The following DOK5 variants were observed in gnomAD, a reference collection of about 807,000 sequenced individuals.
The protein encoded by DOK5 is docking protein 5, also known as downstream of tyrosine kinase 5.
DOK5 carries 27 observed loss-of-function variants against 43.3 expected under a neutral mutation model. That is an observed-to-expected ratio of 0.62 (90% CI 0.46 to 0.86). The LOEUF (loss-of-function observed/expected upper bound fraction) is 0.86, where lower values mean the gene tolerates loss of function less well. Among genes scored for constraint, DOK5 ranks in the 40% least tolerant of loss-of-function variants. DOK5 has a pLI of 0.00. For synonymous variants in DOK5, 146 were observed against 140.1 expected, an observed-to-expected ratio of 1.04 and a Z score of -0.30; for missense variants, 373 against 392.9, an observed-to-expected ratio of 0.95 and a Z score of 0.43.
Position 54,643,593 on chromosome 20 carries a change from A to T in DOK5, c.856+15A>T, listed in dbSNP as rs1212102260. 1 of 1,609,744 alleles carries T rather than the reference A, an allele frequency of 6.2e-7. No individual in the cohort carries two copies. Among genetic ancestry groups the T allele is most frequent in the Non-Finnish European group, 8.5e-7 (1 of 1,179,018 alleles). ...CCGCTTGCAAGGTAAGCGTGGGGCT[A>T]CCTGTGTCCAGGGTGTGGGCCAGGC... On this transcript the variant is annotated intron_variant, in intron 7 of 7. Transcript: ENST00000262593.
At chr20:54,513,841 G>A (rs943821917) in intron 1 of DOK5, among the ~76,000 whole-genome samples, 2 of 152,184 alleles carry the variant, frequency 1.3e-5, no homozygotes, top group African/African-American at 4.8e-5. Flanking sequence ...TCTAGGTGCT[G>A]AGAATTATTA....
chr20:54,605,136 C>G (rs28583536), intron 5 of DOK5, among the ~76,000 whole-genome samples: 26,599 of 150,838 alleles, frequency 0.18, 4,287 homozygotes, highest in African/African-American at 0.43. Context: ...CAAACACACA[C>G]AGAGAGAGAG....
At chr20:54,631,274 A>G (rs6014092) in intron 6 of DOK5, among the ~76,000 whole-genome samples, 21,238 of 152,132 alleles carry the variant, frequency 0.14, 2,211 homozygotes, top group African/African-American at 0.29. Flanking sequence ...TTAGCCAGGC[A>G]TAGTGGCACA....
At chr20:54,491,213 G>T (rs1038953021) in intron 1 of DOK5, among the ~76,000 whole-genome samples, 1 of 152,078 alleles carries the variant, frequency 6.6e-6, no homozygotes, top group Non-Finnish European at 1.5e-5. Context: ...GCACTGAGCG[G>T]GTCTTTTTCT....
intron 1 of DOK5, among the ~76,000 whole-genome samples, chr20:54,494,081 C>G (rs1600660393): frequency 6.6e-6 from 1 of 152,250 alleles, no homozygotes; most frequent in East Asian, 1.9e-4. Flanking sequence ...TTTAGCCTCA[C>G]TAGCCTGTGA....
intron 1 of DOK5, among the ~76,000 whole-genome samples, chr20:54,493,977 G>C (rs941424688): frequency 1.8e-4 from 27 of 152,134 alleles, no homozygotes; most frequent in African/African-American, 6.3e-4. Flanking sequence ...TATAATTGTA[G>C]AGAATTCTAT....
intron 4 of DOK5, among the ~76,000 whole-genome samples, chr20:54,590,602 AT>A (rs1177451399): frequency 1.3e-5 from 2 of 152,210 alleles, no homozygotes; most frequent in African/African-American, 4.8e-5. Context: ...ATATGAAATA[AT>A]TAAAAATTTT....
intron 5 of DOK5, among the ~76,000 whole-genome samples, chr20:54,603,407 C>T (rs1986358957): frequency 6.6e-6 from 1 of 152,214 alleles, no homozygotes; most frequent in Non-Finnish European, 1.5e-5. Flanking sequence ...GGAAAGACAA[C>T]AAAGATAGTC....
At position 54,554,945 on chromosome 20, in the gene DOK5, T is replaced by C; in HGVS notation, c.79T>C (p.Cys27Arg). Residue 27 changes from cysteine to arginine, a missense_variant, in exon 2 of 8, where the codon TGC (cysteine) becomes CGC (arginine). Cys to Arg is a radical substitution (Grantham distance 180). Coordinates refer to ENST00000262593, the MANE Select transcript of DOK5 (RefSeq NM_018431.5). ...TATTTCCTTCCAGATTTATCAGCGATGCTGGTTAGTATTCAAGAAAGCTTC... is the reference window on the plus strand; with the variant it reads ...TATTTCCTTCCAGATTTATCAGCGACGCTGGTTAGTATTCAAGAAAGCTTC... ...RSRRLGIYQR[C>R]WLVFKKASSK... 1.2e-6 allele frequency: 2 copies of C among 1,611,776 alleles called. No individual in the cohort carries two copies. Among genetic ancestry groups the C allele is most frequent in the Non-Finnish European group, 8.5e-7 (1 of 1,177,876 alleles).
intron 6 of DOK5, among the ~76,000 whole-genome samples, chr20:54,614,697 A>G (rs547687614): frequency 6.6e-6 from 1 of 152,196 alleles, no homozygotes; most frequent in Non-Finnish European, 1.5e-5. Flanking sequence ...TGTATGCTTA[A>G]TGGGTTCTAT....
intron 1 of DOK5, among the ~76,000 whole-genome samples, chr20:54,534,623 AGC>A (rs1983889079): frequency 6.6e-6 from 1 of 152,218 alleles, no homozygotes; most frequent in Non-Finnish European, 1.5e-5. Flanking sequence ...TTTAAGTGAA[AGC>A]ATACACGTGA....
At chr20:54,503,501 T>TGTAA (rs11471627) in intron 1 of DOK5, among the ~76,000 whole-genome samples, 11,025 of 152,208 alleles carry the variant, frequency 0.072, 1,358 homozygotes, top group African/African-American at 0.25. Context: ...GTTTCCCAAA[T>TGTAA]GTCATTTATT....
intron 1 of DOK5, among the ~76,000 whole-genome samples, chr20:54,541,793 A>G (rs543168516): frequency 1.1e-4 from 17 of 152,240 alleles, no homozygotes; most frequent in African/African-American, 3.6e-4. Context: ...CACGCTCACC[A>G]CCACTGCCAG....
At chr20:54,553,896 CAAAAAAAAA>C (rs761243905) in intron 1 of DOK5, among the ~76,000 whole-genome samples, 1,403 of 80,166 alleles carry the variant, frequency 0.018, 33 homozygotes, top group African/African-American at 0.051. Context: ...GACTCTGTCT[CAAAAAAAAA>C]AAAAAAAAAA....
At chr20:54,588,302 G>A (rs2146766322) in intron 2 of DOK5, among the ~76,000 whole-genome samples, 181 bp from the exon 3 acceptor site, 1 of 152,274 alleles carries the variant, frequency 6.6e-6, no homozygotes, top group East Asian at 1.9e-4. Context: ...CATCCTTGCG[G>A]TGTGTTACAG....
At chr20:54,535,546 T>C (rs1174274570) in intron 1 of DOK5, among the ~76,000 whole-genome samples, 1 of 152,056 alleles carries the variant, frequency 6.6e-6, no homozygotes, top group African/African-American at 2.4e-5. Flanking sequence ...TTTGCCACAG[T>C]AGAGTGATAT....
intron 1 of DOK5, among the ~76,000 whole-genome samples, chr20:54,517,544 A>G (rs1269439123): frequency 6.6e-6 from 1 of 152,166 alleles, no homozygotes; most frequent in Non-Finnish European, 1.5e-5. Flanking sequence ...CCTTATTAGT[A>G]AAATAAAATA....
chr20:54,507,700 TGAAG>T (rs1982860538), intron 1 of DOK5, among the ~76,000 whole-genome samples: 1 of 152,142 alleles, frequency 6.6e-6, no homozygotes, highest in South Asian at 2.1e-4. Flanking sequence ...ATGAGAAATT[TGAAG>T]GAAGCCCTCA....
chr20:54,591,320 T>C (rs1985967644), intron 4 of DOK5, among the ~76,000 whole-genome samples: 1 of 152,236 alleles, frequency 6.6e-6, no homozygotes, highest in Non-Finnish European at 1.5e-5. Context: ...TAGTCTTTTA[T>C]TGGCATATAC....
Sources: allele counts gnomAD v4.1 joint callset (sites outside exome capture counted in the v4.1 genomes callset), GRCh38; gene constraint gnomAD v4.1.1; transcripts MANE v1.5; gene names NCBI Gene and HGNC (gene_info 2026-07-23, HGNC 2026-07-21).